The following ANO4 variants were observed in gnomAD, a reference collection of about 807,000 sequenced individuals.
ANO4 encodes the protein anoctamin 4.
A neutral mutation model predicts 141.9 loss-of-function variants in ANO4; 69 were observed. The ratio of observed to expected loss-of-function variants is 0.49; its 90% CI spans 0.40 to 0.59. The LOEUF (loss-of-function observed/expected upper bound fraction) is 0.59, where lower values mean the gene tolerates loss of function less well. ANO4 is among the 20% of genes least tolerant of loss of function. The pLI is 0.00. For synonymous variants in ANO4, 350 were observed against 394.3 expected (o/e 0.89, Z 1.33); for missense variants, 894 against 1,162.2 (o/e 0.77, Z 3.36).
At chr12:101,111,752 G>A in intron 24 of ANO4, 42 bp downstream of exon 24, 2 of 1,511,082 alleles carry the variant, frequency 1.3e-6, no homozygotes, top group Non-Finnish European at 1.8e-6. Flanking sequence ...CTATTTCCTA[G>A]CCATTTTTTG....
chr12:101,069,824 C>T (rs999850668), intron 14 of ANO4, among the ~76,000 whole-genome samples: 3 of 151,904 alleles, frequency 2.0e-5, no homozygotes, highest in Admixed American at 6.6e-5. Flanking sequence ...AAAGTATCTA[C>T]GGGTATATAT....
intron 5 of ANO4, among the ~76,000 whole-genome samples, chr12:100,953,975 G>A (rs1309796911): frequency 6.6e-6 from 1 of 152,144 alleles, no homozygotes; most frequent in Non-Finnish European, 1.5e-5. Flanking sequence ...AAAGTCAAGT[G>A]CACGAGCAGT....
At chr12:100,740,716 C>T (rs1389177359) in intron 3 of ANO4, among the ~76,000 whole-genome samples, 3 of 151,886 alleles carry the variant, frequency 2.0e-5, no homozygotes, top group African/African-American at 4.8e-5. Flanking sequence ...TTGTACAGCC[C>T]GAGAACTAAG....
chr12:100,822,129 A>G (rs2036088748), intron 1 of ANO4, among the ~76,000 whole-genome samples: 1 of 152,056 alleles, frequency 6.6e-6, no homozygotes, highest in Non-Finnish European at 1.5e-5. Flanking sequence ...AAAAATAACA[A>G]GAAACAGCTC....
intron 1 of ANO4, among the ~76,000 whole-genome samples, chr12:100,816,982 A>G (rs1246268294): frequency 4.0e-5 from 2 of 50,230 alleles, no homozygotes; most frequent in East Asian, 6.2e-4. Context: ...CTGATTTCAG[A>G]TATTTAAAAA....
chr12:101,033,431 A>G (rs2047063648), intron 9 of ANO4, among the ~76,000 whole-genome samples: 4 of 152,090 alleles, frequency 2.6e-5, no homozygotes. Context: ...ACTGACCTGC[A>G]CAATGTGCAC....
At chr12:100,952,424 G>A (rs1220000472) in intron 5 of ANO4, among the ~76,000 whole-genome samples, 1 of 152,208 alleles carries the variant, frequency 6.6e-6, no homozygotes, top group Admixed American at 6.5e-5. Flanking sequence ...ACGCATGGCT[G>A]TTGTTGGCAT....
chr12:101,081,267 T>C (rs2049266477), intron 15 of ANO4, among the ~76,000 whole-genome samples: 1 of 152,150 alleles, frequency 6.6e-6, no homozygotes, highest in African/African-American at 2.4e-5. Flanking sequence ...AAATCTCTAA[T>C]GAAAAGAAGT....
intron 14 of ANO4, among the ~76,000 whole-genome samples, chr12:101,070,576 T>C (rs1057330556): frequency 2.6e-5 from 4 of 151,952 alleles, no homozygotes; most frequent in African/African-American, 7.3e-5. Context: ...AAAAAAAGCA[T>C]TGGGGAACTC....
At chr12:100,826,738 C>A (rs2036365498) in intron 1 of ANO4, among the ~76,000 whole-genome samples, 1 of 151,968 alleles carries the variant, frequency 6.6e-6, no homozygotes, top group South Asian at 2.1e-4. Flanking sequence ...CTTAACCTGG[C>A]TAAAACTGAG....
intron 5 of ANO4, among the ~76,000 whole-genome samples, chr12:100,970,109 A>G (rs1483388749): frequency 1.3e-5 from 2 of 152,212 alleles, no homozygotes; most frequent in Non-Finnish European, 2.9e-5. Context: ...AGCTCTTTCA[A>G]AAAGCTTTGC....
chr12:100,900,118 A>G (rs2040523123), intron 1 of ANO4, among the ~76,000 whole-genome samples: 1 of 151,964 alleles, frequency 6.6e-6, no homozygotes, highest in East Asian at 1.9e-4. Context: ...AAGGATTTGC[A>G]TAAAAAAGAA....
At chr12:100,798,265 T>G (rs1465438695) in intron 1 of ANO4, among the ~76,000 whole-genome samples, 1 of 152,184 alleles carries the variant, frequency 6.6e-6, no homozygotes, top group African/African-American at 2.4e-5. Context: ...TTATGTTGCT[T>G]TTCCCAATAT....
intron 8 of ANO4, among the ~76,000 whole-genome samples, chr12:100,989,181 C>T (rs1270617111): frequency 1.3e-5 from 2 of 152,108 alleles, no homozygotes; most frequent in Non-Finnish European, 2.9e-5. Flanking sequence ...TTGAAAGGGT[C>T]ATTGAAGCAA....
chr12:100,919,702 GTGTA>G lies in ANO4; in HGVS notation c.56-2504_56-2501del, dbSNP rs368823212. 4.4e-3 allele frequency among the ~76,000 whole-genome samples: 585 copies of G among 133,782 alleles called. 3 individuals carry two copies. The highest frequency in any genetic ancestry group is 6.9e-3 in the Non-Finnish European group (432 of 62,962). The allele number at this position is 133,782 out of a possible 152,430, so 87.8% of individuals were successfully genotyped here. A position where few individuals can be genotyped will look rare whatever the true frequency, so the allele number is the denominator to read the frequency against. ...TGTGTGTGTGTGTGTGTGTGTGTGT[GTGTA>G]TGTATGTATGTATGTATGTGTGTAT... On this transcript the variant is annotated intron_variant, in intron 2 of 27. Coordinates refer to ENST00000392977, the MANE Select transcript of ANO4 (RefSeq NM_001286615.2).
intron 7 of ANO4, among the ~76,000 whole-genome samples, chr12:100,986,424 G>A (rs1268760928): frequency 6.6e-6 from 1 of 152,062 alleles, no homozygotes; most frequent in African/African-American, 2.4e-5. Flanking sequence ...GTGCCCACCT[G>A]TGTTGGTGAG....
intron 24 of ANO4, among the ~76,000 whole-genome samples, chr12:101,113,812 C>T (rs979335898): frequency 6.6e-6 from 1 of 152,096 alleles, no homozygotes; most frequent in Admixed American, 6.6e-5. Flanking sequence ...GTGGCTTTCA[C>T]GGTAGAATTC....
At chr12:100,729,145 A>G (rs2031265791) in intron 1 of ANO4, among the ~76,000 whole-genome samples, 2 of 152,052 alleles carry the variant, frequency 1.3e-5, no homozygotes, top group Admixed American at 6.6e-5. Context: ...TATTATTTTC[A>G]GTTTGCTCCT....
intron 3 of ANO4, among the ~76,000 whole-genome samples, chr12:100,775,794 G>A (rs368998280): frequency 1.3e-5 from 2 of 151,780 alleles, no homozygotes; most frequent in African/African-American, 4.8e-5. Flanking sequence ...TTCCTATTAC[G>A]ATTATGAGTT....
Sources: allele counts gnomAD v4.1 joint callset (sites outside exome capture counted in the v4.1 genomes callset), GRCh38; gene constraint gnomAD v4.1.1; transcripts MANE v1.5; gene names NCBI Gene and HGNC (gene_info 2026-07-23, HGNC 2026-07-21).